SFMBT2: variants seen among roughly 807,000 people sequenced by gnomAD.
SFMBT2 encodes Scm like with four mbt domains 2.
SFMBT2 carries 38 observed loss-of-function variants against 110.1 expected under a neutral mutation model. That is an observed-to-expected ratio of 0.35 (90% CI 0.27 to 0.45). The LOEUF (loss-of-function observed/expected upper bound fraction) is 0.45. Among genes scored for constraint, SFMBT2 ranks in the 20% least tolerant of loss-of-function variants. SFMBT2 has a pLI of 1.00. For missense variants in SFMBT2, 1,011 were observed against 1,094.9 expected, an observed-to-expected ratio of 0.92 and a Z score of 1.08; for synonymous variants, 425 against 425.4, an observed-to-expected ratio of 1.00 and a Z score of 0.01.
chr10:7,220,349 C>A, intron 11 of SFMBT2, 62 bp downstream of exon 11: 1 of 1,467,440 alleles, frequency 6.8e-7, no homozygotes, highest in South Asian at 1.2e-5. Context: ...TTCCTCCACA[C>A]GTTGCCATTT....
intron 4 of SFMBT2, among the ~76,000 whole-genome samples, chr10:7,353,676 CA>C (rs994489970): frequency 2.0e-5 from 3 of 151,764 alleles, no homozygotes; most frequent in African/African-American, 7.3e-5. Context: ...TTTCAATCAT[CA>C]CAAAGGATGT....
At chr10:7,276,677 C>T (rs1364096621) in intron 7 of SFMBT2, among the ~76,000 whole-genome samples, 1 of 152,102 alleles carries the variant, frequency 6.6e-6, no homozygotes, top group Non-Finnish European at 1.5e-5. Flanking sequence ...TACAGGCACA[C>T]ACCACACGCC....
intron 1 of SFMBT2, among the ~76,000 whole-genome samples, chr10:7,393,421 ACTG>A (rs1309265575): frequency 6.6e-6 from 1 of 152,158 alleles, no homozygotes; most frequent in Non-Finnish European, 1.5e-5. Context: ...AACTCTGCAT[ACTG>A]TTCACATACC....
intron 7 of SFMBT2, among the ~76,000 whole-genome samples, chr10:7,255,460 G>A (rs184393142): frequency 2.7e-4 from 41 of 152,210 alleles, no homozygotes; most frequent in Non-Finnish European, 4.1e-4. Context: ...GTCAAATTGC[G>A]TACAGAAAAA....
chr10:7,232,128 T>C (rs746610956), intron 9 of SFMBT2, among the ~76,000 whole-genome samples: 30 of 152,216 alleles, frequency 2.0e-4, no homozygotes, highest in Admixed American at 3.3e-4. Context: ...ATTAGACTTA[T>C]TTAAGCTTTT....
chr10:7,284,262 G>C (rs1053785871), intron 5 of SFMBT2, 112 bp from the exon 6 acceptor site: 1 of 1,509,526 alleles, frequency 6.6e-7, no homozygotes, highest in Non-Finnish European at 8.8e-7. Context: ...AGGTACTGGC[G>C]AACAGTCTGG....
At chr10:7,194,710 C>T (rs1838714969) in intron 15 of SFMBT2, among the ~76,000 whole-genome samples, 1 of 152,228 alleles carries the variant, frequency 6.6e-6, no homozygotes, top group Non-Finnish European at 1.5e-5. Context: ...CTGAAGCACT[C>T]ACCTACTTTT....
chr10:7,295,617 CCATTT>C (rs1412975395), intron 4 of SFMBT2, among the ~76,000 whole-genome samples: 7 of 152,298 alleles, frequency 4.6e-5, no homozygotes, highest in Admixed American at 2.0e-4. Context: ...AAATGTACTG[CCATTT>C]CTTTTTATTT....
chr10:7,310,114 C>G (rs1770884687), intron 4 of SFMBT2, among the ~76,000 whole-genome samples: 1 of 152,174 alleles, frequency 6.6e-6, no homozygotes, highest in Non-Finnish European at 1.5e-5. Flanking sequence ...GGAACAAAAT[C>G]CTCCTTAGTT....
At chr10:7,288,864 C>A (rs1017647054) in intron 4 of SFMBT2, among the ~76,000 whole-genome samples, 3 of 141,600 alleles carry the variant, frequency 2.1e-5, no homozygotes, top group South Asian at 2.3e-4. Flanking sequence ...CCCCCCCCCC[C>A]ATCTCCACTA....
rs182487618 is a variant in SFMBT2 at position 7,230,415 on chromosome 10, C to G, written c.1121-2478G>C. On this transcript the variant is annotated intron_variant, in intron 9 of 20. Coordinates refer to ENST00000397167, the MANE Select transcript of SFMBT2 (RefSeq NM_001387889.1). Reference sequence around the variant, plus strand: ...AATTAAGAAAACCCTCCACTTTGAGCGTAGTTTCTCTGGAGCTGTCTGGAT... The same window carrying G: ...AATTAAGAAAACCCTCCACTTTGAGGGTAGTTTCTCTGGAGCTGTCTGGAT... Among the ~76,000 whole-genome samples, 6 of 152,244 alleles carry G rather than the reference C, an allele frequency of 3.9e-5. No homozygotes were observed. The East Asian group carries it at 9.7e-4, about 25-fold the overall frequency.
chr10:7,294,805 T>A (rs1485903004), intron 4 of SFMBT2, among the ~76,000 whole-genome samples: 1 of 152,200 alleles, frequency 6.6e-6, no homozygotes, highest in Non-Finnish European at 1.5e-5. Context: ...TCAGACTTCT[T>A]AAATTTTCAC....
At chr10:7,252,394 T>C (rs984975718) in intron 7 of SFMBT2, among the ~76,000 whole-genome samples, 1 of 152,310 alleles carries the variant, frequency 6.6e-6, no homozygotes, top group Middle Eastern at 3.4e-3. Flanking sequence ...GAAATGCTTA[T>C]GGGTAATGAC....
At chr10:7,189,729 C>A (rs1172269794) in intron 15 of SFMBT2, among the ~76,000 whole-genome samples, 1 of 152,296 alleles carries the variant, frequency 6.6e-6, no homozygotes. Flanking sequence ...GCAGGCCGTC[C>A]GGGTGCGGAA....
At chr10:7,398,704 A>G (rs1588511103) in intron 1 of SFMBT2, among the ~76,000 whole-genome samples, 1 of 152,230 alleles carries the variant, frequency 6.6e-6, no homozygotes, top group East Asian at 1.9e-4. Context: ...CAAACCCTAC[A>G]TACAGGATTT....
At chr10:7,199,212 C>G (rs966852224) in intron 14 of SFMBT2, among the ~76,000 whole-genome samples, 2 of 152,182 alleles carry the variant, frequency 1.3e-5, no homozygotes, top group Admixed American at 6.5e-5. Flanking sequence ...CTCCTGAGCT[C>G]AAGCAATCTG....
intron 9 of SFMBT2, among the ~76,000 whole-genome samples, chr10:7,229,054 C>G (rs2045478152): frequency 6.6e-6 from 1 of 152,148 alleles, no homozygotes; most frequent in Non-Finnish European, 1.5e-5. Context: ...CACAGTCCAA[C>G]TGTGATTCAC....
At position 7,205,910 on chromosome 10, in the gene SFMBT2, G is replaced by A. The variant is rs1839117808; in HGVS notation, c.1349C>T (p.Pro450Leu). The A allele has an allele frequency of 1.9e-6, 3 of 1,613,924 alleles. No individual in the cohort carries two copies. The highest frequency in any genetic ancestry group is 1.3e-5 in the African/African-American group (1 of 75,008). ...LHLEGLQTPV[P>L]EVIVDVESMD... is the part of the protein sequence containing the mutation. ...GGATTCCACATCAACAATGACCTCT[G>A]GAACAGGAGTCTGCAGCCCTGCATG... The change falls in exon 12 of 21, where the codon CCA becomes CTA. Residue 450 changes from proline to leucine, a missense_variant. Pro to Leu is a moderately conservative substitution (Grantham distance 98). This residue lies in a region of SFMBT2 where 979 missense variants were observed against 1,016.1 expected (regional missense o/e 0.96). Transcript: ENST00000397167.
intron 15 of SFMBT2, among the ~76,000 whole-genome samples, chr10:7,190,810 T>C (rs935492372): frequency 2.0e-5 from 3 of 152,194 alleles, no homozygotes; most frequent in Admixed American, 2.0e-4. Flanking sequence ...TCCACTGATA[T>C]GGTTTGGCTG....
Sources: gnomAD v4.1 joint callset for allele counts (sites outside exome capture counted in the v4.1 genomes callset) on GRCh38, gnomAD v4.1.1 for gene constraint, gnomAD v4.1.1 regional missense constraint, MANE v1.5 for transcripts, NCBI Gene and HGNC (gene_info 2026-07-23, HGNC 2026-07-21) for gene names.